CRISPLD1: variants seen among roughly 807,000 people sequenced by gnomAD.
CRISPLD1 encodes cysteine-rich secretory protein LCCL domain-containing 1.
Under a neutral mutation model 77.5 loss-of-function variants are expected in CRISPLD1, and 60 were observed. That is an observed-to-expected ratio of 0.77 (90% CI 0.63 to 0.96). The LOEUF (loss-of-function observed/expected upper bound fraction) is 0.96. CRISPLD1 is among the 40% of genes least tolerant of loss of function. CRISPLD1 has a pLI of 0.00. For missense variants in CRISPLD1, 623 were observed against 615.8 expected, an observed-to-expected ratio of 1.01 and a Z score of -0.12; for synonymous variants, 195 against 200.1, an observed-to-expected ratio of 0.97 and a Z score of 0.22.
At chr8:75,006,076 ATTC>A (rs1335251193) in intron 2 of CRISPLD1, among the ~76,000 whole-genome samples, 1 of 152,034 alleles carries the variant, frequency 6.6e-6, no homozygotes, top group Non-Finnish European at 1.5e-5. Context: ...TCCTTCCCAT[ATTC>A]CTCCCTTTTG....
chr8:75,019,904 A>G lies in CRISPLD1; in HGVS notation c.1162A>G (p.Lys388Glu), dbSNP rs773597967. 1.9e-6 allele frequency: 3 copies of G among 1,613,386 alleles called. No homozygotes were observed. Among genetic ancestry groups the G allele is most frequent in the Non-Finnish European group, 2.5e-6 (3 of 1,179,338 alleles). The change falls in exon 11 of 15, where the codon AAA becomes GAA. Residue 388 changes from lysine to glutamate, a missense_variant. Lys to Glu is a moderately conservative substitution (Grantham distance 56). Coordinates refer to ENST00000262207, the MANE Select transcript of CRISPLD1 (RefSeq NM_031461.6). ...YQSANSFTVS[K>E]VTVQAVTCET... ...GTCTGCTAATTCCTTCACAGTCTCT[A>G]AAGTAACAGGTTAGCACATTCTTCA...
intron 12 of CRISPLD1, among the ~76,000 whole-genome samples, chr8:75,021,245 G>A (rs1015951012): frequency 1.1e-4 from 16 of 152,120 alleles, no homozygotes; most frequent in Non-Finnish European, 1.5e-4. Context: ...GGTATATAAC[G>A]GAATCTTTAT....
At chr8:75,015,084 G>A (rs566006924) in intron 6 of CRISPLD1, among the ~76,000 whole-genome samples, 172 bp downstream of exon 6, 1 of 152,086 alleles carries the variant, frequency 6.6e-6, no homozygotes, top group East Asian at 1.9e-4. Flanking sequence ...TTACTAATAA[G>A]TTTGTTATAT....
chr8:75,013,091 T>C, intron 4 of CRISPLD1, 69 bp downstream of exon 4: 1 of 1,308,944 alleles, frequency 7.6e-7, no homozygotes, highest in Non-Finnish European at 1.0e-6. Context: ...GAAATTAGGC[T>C]AGTGAACTTG....
Position 75,008,580 on chromosome 8 carries a change from G to A in CRISPLD1, c.259-3853G>A, listed in dbSNP as rs929185064. Among the ~76,000 whole-genome samples the A allele has an allele frequency of 9.2e-5, 14 of 152,134 alleles. 1 individual carries two copies. The highest frequency in any genetic ancestry group is 6.8e-3 in the Middle Eastern group (2 of 294). The stretch of plus-strand genomic sequence containing the variant: ...ACAGGTATGCTTTATTCGATTCTGT[G>A]AATAGATAATTACTTTTAGTCACTA... On this transcript the variant is annotated intron_variant, in intron 2 of 14. Transcript: ENST00000262207.
chr8:75,000,163 GA>G lies in CRISPLD1; in HGVS notation c.259-12269del, dbSNP rs1480387505. The G allele has an allele frequency of 6.1e-6, 6 of 985,108 alleles. No homozygotes were observed. In the African/African-American group the frequency reaches 1.0e-4, roughly 17 times the overall value. 61.0% of individuals were successfully genotyped at this position (985,108 alleles called of 1,614,324 possible). A position where few individuals can be genotyped will look rare whatever the true frequency, so the allele number is the denominator to read the frequency against. ...ATACAAAGTAACCACCAGAACGCTG[GA>G]CAATCCAGTAAAGGTGCTGCTGGTA... On this transcript the variant is annotated intron_variant, in intron 2 of 14. Coordinates refer to ENST00000262207, the MANE Select transcript of CRISPLD1 (RefSeq NM_031461.6).
At chr8:75,007,663 C>CTT (rs34289550) in intron 2 of CRISPLD1, among the ~76,000 whole-genome samples, 2,009 of 89,182 alleles carry the variant, frequency 0.023, 116 homozygotes, top group African/African-American at 0.081. Flanking sequence ...GAACCATCGA[C>CTT]TTTTTTTTTT....
In CRISPLD1 at chr8:75,026,081, G is replaced by C. The variant is rs543168394; in HGVS notation, c.1320+460G>C. Among the ~76,000 whole-genome samples the C allele has an allele frequency of 1.2e-4, 16 of 133,186 alleles. No homozygotes were observed. In the East Asian group the frequency reaches 1.3e-3, roughly 10 times the overall value. The allele number at this position is 133,186 out of a possible 152,430, so 87.4% of individuals were successfully genotyped here. On this transcript the variant is annotated intron_variant, in intron 13 of 14. Coordinates refer to ENST00000262207, the MANE Select transcript of CRISPLD1 (RefSeq NM_031461.6). ...AGAACTAGTTGAGGGGATGTTGTAA[G>C]AGATGACTTTAGTGGGTTGGACAAG...
In CRISPLD1 at chr8:75,014,839, C is replaced by A; in HGVS notation, c.654C>A (p.Tyr218Ter). 1 of 1,592,326 alleles carries A rather than the reference C, an allele frequency of 6.3e-7. No homozygotes were observed. Among genetic ancestry groups the A allele is most frequent in the Non-Finnish European group, 8.5e-7 (1 of 1,172,258 alleles). ...GAAACTGGTGGGGCCATGCCCCTTA[C>A]AAACATGGGCGGCCCTGTTCTGCTT... ...PKGNWWGHAPYKHGRPCSACP... is the reference protein window; with the variant it reads ...PKGNWWGHAP The change falls in exon 6 of 15, where the codon TAC (tyrosine) becomes TAA (stop). Residue 218 changes from tyrosine to a stop codon, truncating the protein, a stop_gained. Coordinates refer to ENST00000262207, the MANE Select transcript of CRISPLD1 (RefSeq NM_031461.6). LOFTEE classifies it high-confidence loss of function.
chr8:75,030,843 T>C (rs528797932), intron 14 of CRISPLD1, among the ~76,000 whole-genome samples: 5 of 150,538 alleles, frequency 3.3e-5, no homozygotes, highest in East Asian at 3.9e-4. Context: ...TCTGTGTATA[T>C]ATGTGAATGT....
At chr8:75,031,663 AT>A (rs1450266276) in intron 14 of CRISPLD1, among the ~76,000 whole-genome samples, 1 of 151,796 alleles carries the variant, frequency 6.6e-6, no homozygotes, top group East Asian at 1.9e-4. Flanking sequence ...CCTTACTAAC[AT>A]TTTCCTTGAA....
chr8:74,994,862 T>C (rs1812623188), intron 2 of CRISPLD1, among the ~76,000 whole-genome samples: 2 of 152,156 alleles, frequency 1.3e-5, no homozygotes, highest in South Asian at 2.1e-4. Context: ...CTTGGAAGCA[T>C]TGTAGTTGTT....
chr8:75,017,353 G>C lies in CRISPLD1; in HGVS notation c.1030G>C (p.Gly344Arg). The change falls in exon 10 of 15, where the codon GGT (glycine) becomes CGT (arginine). Residue 344 changes from glycine (G) to arginine (R), a missense_variant. Physicochemically the swap from Gly to Arg is moderately radical, Grantham distance 125. Coordinates refer to ENST00000262207, the MANE Select transcript of CRISPLD1 (RefSeq NM_031461.6). ...CATCTGTAGAGCTGCAATTCATTAT[G>C]GTATAATAGACAATGATGGTGGCTG... ...SSICRAAIHY[G>R]IIDNDGGWVD... 6.2e-7 allele frequency: 1 copy of C among 1,608,392 alleles called. No individual in the cohort carries two copies. Among genetic ancestry groups the C allele is most frequent in the Non-Finnish European group, 8.5e-7 (1 of 1,177,974 alleles).
intron 12 of CRISPLD1, among the ~76,000 whole-genome samples, chr8:75,024,114 GT>G (rs1813191541): frequency 6.6e-6 from 1 of 152,162 alleles, no homozygotes. Context: ...CCTATTGTGT[GT>G]GTTTGAGGAA....
chr8:75,001,583 G>A (rs895260049), intron 2 of CRISPLD1, among the ~76,000 whole-genome samples: 2 of 152,218 alleles, frequency 1.3e-5, no homozygotes, highest in Non-Finnish European at 2.9e-5. Context: ...TTTTGAAATA[G>A]TATTTGGTAG....
In CRISPLD1 at chr8:74,990,770, TAC is replaced by T. The variant is rs1228681981; in HGVS notation, c.258+4527_258+4528del. On this transcript the variant is annotated intron_variant, in intron 2 of 14. Coordinates refer to ENST00000262207, the MANE Select transcript of CRISPLD1 (RefSeq NM_031461.6). Reference sequence around the variant, plus strand: ...TCTTCTCAGTACTTTCTAAGAAACATACAAAAAAAAAAAAAAACCAGAAAATT... The same window carrying T: ...TCTTCTCAGTACTTTCTAAGAAACATAAAAAAAAAAAAAAACCAGAAAATT... Among the ~76,000 whole-genome samples the T allele has an allele frequency of 5.1e-5, 6 of 116,986 alleles. No homozygotes were observed. The East Asian group carries it at 1.4e-3, about 28-fold the overall frequency. The allele number at this position is 116,986 out of a possible 152,430, so 76.7% of individuals were successfully genotyped here.
At chr8:74,993,766 T>G (rs1310853815) in intron 2 of CRISPLD1, among the ~76,000 whole-genome samples, 1 of 152,236 alleles carries the variant, frequency 6.6e-6, no homozygotes, top group African/African-American at 2.4e-5. Context: ...CACAAAATTT[T>G]GGAATTGTGC....
At chr8:75,016,850 T>G in intron 7 of CRISPLD1, 31 bp from the exon 8 acceptor site, 1 of 1,530,056 alleles carries the variant, frequency 6.5e-7, no homozygotes, top group Non-Finnish European at 8.8e-7. Flanking sequence ...TTTATATTAT[T>G]TAAGTTATTT....
intron 2 of CRISPLD1, among the ~76,000 whole-genome samples, chr8:75,008,652 C>T (rs1812877083): frequency 6.6e-6 from 1 of 152,080 alleles, no homozygotes; most frequent in South Asian, 2.1e-4. Flanking sequence ...TGCCCCTCTG[C>T]TTCAGCACTT....
Sources: allele counts gnomAD v4.1 joint callset (sites outside exome capture counted in the v4.1 genomes callset), GRCh38; gene constraint gnomAD v4.1.1; transcripts MANE v1.5; gene names NCBI Gene and HGNC (gene_info 2026-07-23, HGNC 2026-07-21).